Variants in POU2F2 observed in about 807,000 individuals in gnomAD.
POU2F2 encodes the protein POU domain, class 2, transcription factor 2.
Under a neutral mutation model 63.5 loss-of-function variants are expected in POU2F2, and 14 were observed. The observed-to-expected ratio is 0.22, with a 90% CI of 0.15 to 0.34. The LOEUF is 0.34. POU2F2 is among the 10% of genes least tolerant of loss of function. The probability of loss-of-function intolerance (pLI) is 1.00; values close to 1 mark genes in which losing one functional copy is unlikely to be tolerated. For missense variants in POU2F2, 607 were observed against 815.2 expected (o/e 0.74, Z 3.11); for synonymous variants, 306 against 348.6 (o/e 0.88, Z 1.36).
At chr19:42,141,895 C>T (rs1778029420) in intron 2 of POU2F2, among the ~76,000 whole-genome samples, 1 of 152,212 alleles carries the variant, frequency 6.6e-6, no homozygotes, top group East Asian at 1.9e-4. Flanking sequence ...TAGATGCCAC[C>T]GATAGGACAG....
At position 42,186,282 on chromosome 19, in the gene POU2F2, G is replaced by A. The variant is rs149672220; in HGVS notation, c.-70+10101C>T. ...AGAGCTTGCAGTGAGCCGAGATTGCGCCACGGCACTCCAGCCAGGCTACCC... is the reference window on the plus strand; with the variant it reads ...AGAGCTTGCAGTGAGCCGAGATTGCACCACGGCACTCCAGCCAGGCTACCC... On this transcript the variant is annotated intron_variant, in intron 1 of 5. Transcript: ENST00000532176. Among the ~76,000 whole-genome samples, 1,024 of 152,152 alleles carry A rather than the reference G, an allele frequency of 6.7e-3. 14 individuals are homozygous for A. Among genetic ancestry groups the A allele is most frequent in the African/African-American group, 0.023 (968 of 41,514 alleles).
intron 5 of POU2F2, among the ~76,000 whole-genome samples, chr19:42,106,687 A>C (rs2030075209): frequency 6.6e-6 from 1 of 151,984 alleles, no homozygotes; most frequent in African/African-American, 2.4e-5. Flanking sequence ...AGATGTGAGA[A>C]TCTTTTGAGC....
chr19:42,091,735 T>C, intron 14 of POU2F2, 132 bp downstream of exon 14: 3 of 1,548,654 alleles, frequency 1.9e-6, no homozygotes, highest in Non-Finnish European at 2.6e-6. Context: ...TCCCCAAAGG[T>C]GAGATGGGTA....
At chr19:42,114,338 G>T (rs552536515) in intron 5 of POU2F2, among the ~76,000 whole-genome samples, 15 of 152,082 alleles carry the variant, frequency 9.9e-5, no homozygotes, top group African/African-American at 1.9e-4. Context: ...AGGCACGGCT[G>T]GGGGGAGGGA....
At chr19:42,191,753 G>T (rs893741575) in intron 1 of POU2F2, among the ~76,000 whole-genome samples, 1 of 152,216 alleles carries the variant, frequency 6.6e-6, no homozygotes, top group African/African-American at 2.4e-5. Context: ...GGGGCTGTCA[G>T]ATCTGAAAGG....
At chr19:42,115,241 G>C (rs1192011381) in intron 5 of POU2F2, among the ~76,000 whole-genome samples, 2 of 152,194 alleles carry the variant, frequency 1.3e-5, no homozygotes, top group Non-Finnish European at 2.9e-5. Context: ...GTGGAAGGAA[G>C]TTCTAAGGAG....
chr19:42,144,741 G>A (rs997079771), intron 2 of POU2F2, among the ~76,000 whole-genome samples: 4 of 152,260 alleles, frequency 2.6e-5, no homozygotes, highest in African/African-American at 4.8e-5. Flanking sequence ...AGCAGGGGCT[G>A]TTATTATCCA....
upstream of POU2F2, among the ~76,000 whole-genome samples, chr19:42,180,378 C>CA (rs1282321684): frequency 6.6e-6 from 1 of 151,742 alleles, no homozygotes; most frequent in African/African-American, 2.4e-5. Context: ...GGAGAGAACT[C>CA]AAAAAAGGGT....
At position 42,095,493 on chromosome 19, in the gene POU2F2, C is replaced by T. The variant is rs1464863875; in HGVS notation, c.1021-31G>A. 6.2e-7 allele frequency: 1 copy of T among 1,605,816 alleles called. No individual in the cohort carries two copies. Among genetic ancestry groups the T allele is most frequent in the South Asian group, 1.1e-5 (1 of 90,488 alleles). On this transcript the variant is annotated intron_variant, in intron 10 of 14. Transcript: ENST00000692977. The surrounding 1 kb of genome is among the most constrained non-coding windows in gnomAD (Gnocchi z 7.1). ...GGCAGAGGGCTCGTTAGCCCGAGGC[C>T]CACCGCCCGCCACCCCTCAGGTGAG...
At chr19:42,171,569 A>G (rs2034769769) in intron 1 of POU2F2, among the ~76,000 whole-genome samples, 1 of 152,030 alleles carries the variant, frequency 6.6e-6, no homozygotes, top group Non-Finnish European at 1.5e-5. Context: ...AGTGCGGTAC[A>G]GGCATCTGTT....
At position 42,150,608 on chromosome 19, in the gene POU2F2, C is replaced by T. The variant is rs182851837; in HGVS notation, c.-9+9724G>A. On this transcript the variant is annotated intron_variant, in intron 2 of 6. Coordinates refer to the POU2F2 transcript ENST00000524801. ...AGCGCAGAGGCCGGCGGCCGGCCTT[C>T]GCAGCGACCAGGGCCCGAGCCGCCC... 6.6e-3 allele frequency among the ~76,000 whole-genome samples: 998 copies of T among 150,400 alleles called. 14 individuals are homozygous for T. Among genetic ancestry groups the T allele is most frequent in the African/African-American group, 0.023 (955 of 41,322 alleles).
At position 42,139,810 on chromosome 19, in the gene POU2F2, T is replaced by C. The variant is rs139432701; in HGVS notation, c.-8-17234A>G. Among the ~76,000 whole-genome samples, 33 of 152,256 alleles carry C rather than the reference T, an allele frequency of 2.2e-4. No individual in the cohort carries two copies. The East Asian group carries it at 6.4e-3, about 29-fold the overall frequency. On this transcript the variant is annotated intron_variant, in intron 2 of 6. Coordinates refer to the POU2F2 transcript ENST00000524801. ...GATGGACTGACGGCTCAACTGGCCATTGACAAATAGGGAGGTAAAGCATGG... is the reference window on the plus strand; with the variant it reads ...GATGGACTGACGGCTCAACTGGCCACTGACAAATAGGGAGGTAAAGCATGG...
At chr19:42,116,134 T>C (rs2031826763) in intron 5 of POU2F2, among the ~76,000 whole-genome samples, 1 of 152,132 alleles carries the variant, frequency 6.6e-6, no homozygotes, top group Non-Finnish European at 1.5e-5. Context: ...GCCACCCAGT[T>C]TATGGTATTA....
At chr19:42,097,236 T>G (rs987095442) in intron 7 of POU2F2, among the ~76,000 whole-genome samples, 1 of 151,000 alleles carries the variant, frequency 6.6e-6, no homozygotes, top group African/African-American at 2.4e-5. Flanking sequence ...TCACCCTTGT[T>G]GCCTAGGCTG....
intron 5 of POU2F2, among the ~76,000 whole-genome samples, chr19:42,113,675 A>G (rs1453267137): frequency 6.6e-6 from 1 of 152,240 alleles, no homozygotes; most frequent in East Asian, 1.9e-4. Context: ...GGAGCCCCTC[A>G]GGGGCAAGGA....
intron 1 of POU2F2, among the ~76,000 whole-genome samples, chr19:42,193,522 A>T (rs1479975851): frequency 6.6e-6 from 1 of 152,220 alleles, no homozygotes; most frequent in East Asian, 1.9e-4. Flanking sequence ...AGAAGCTGAG[A>T]TAGGCAAGGA....
intron 2 of POU2F2, among the ~76,000 whole-genome samples, chr19:42,139,436 CT>C (rs2034084215): frequency 6.6e-6 from 1 of 152,178 alleles, no homozygotes; most frequent in Non-Finnish European, 1.5e-5. Flanking sequence ...AGATATATGT[CT>C]GAGATGGGCT....
intron 1 of POU2F2, among the ~76,000 whole-genome samples, chr19:42,181,588 A>ATTTC (rs1474545249): frequency 6.6e-6 from 1 of 151,484 alleles, no homozygotes; most frequent in Non-Finnish European, 1.5e-5. Context: ...TTATTTATTT[A>ATTTC]TTTATTTATT....
chr19:42,149,192 A>T (rs2034291008), intron 2 of POU2F2, among the ~76,000 whole-genome samples: 1 of 152,142 alleles, frequency 6.6e-6, no homozygotes, highest in African/African-American at 2.4e-5. Context: ...CAGGGCCAGC[A>T]TGACTTGAGC....
Sources: allele counts gnomAD v4.1 joint callset (sites outside exome capture counted in the v4.1 genomes callset), GRCh38; gene constraint gnomAD v4.1.1; non-coding constraint Gnocchi (gnomAD v3.1); transcripts MANE v1.5; gene names NCBI Gene and HGNC (gene_info 2026-07-23, HGNC 2026-07-21).